The following N4BP2L2 variants were observed in gnomAD, a reference collection of about 807,000 sequenced individuals.
N4BP2L2 encodes NEDD4-binding protein 2-like 2.
A neutral mutation model predicts 56.2 loss-of-function variants in N4BP2L2; 50 were observed. That is an observed-to-expected ratio of 0.89 (90% CI 0.71 to 1.13). N4BP2L2 has a LOEUF of 1.13. Ranked by LOEUF, N4BP2L2 falls within the 50% of genes most tolerant of loss-of-function variation. The pLI is 0.00. For synonymous variants in N4BP2L2, 203 were observed against 223.6 expected, an observed-to-expected ratio of 0.91 and a Z score of 0.82; for missense variants, 689 against 693.8, an observed-to-expected ratio of 0.99 and a Z score of 0.08.
At chr13:32,495,980 G>A (rs376169930) in intron 6 of N4BP2L2, among the ~76,000 whole-genome samples, 52 of 152,148 alleles carry the variant, frequency 3.4e-4, no homozygotes, top group East Asian at 1.5e-3. Context: ...ACCCCACCCC[G>A]CCGGTGCCTT....
chr13:32,454,437 T>A (rs138984757), intron 6 of N4BP2L2, among the ~76,000 whole-genome samples: 21 of 152,172 alleles, frequency 1.4e-4, no homozygotes, highest in African/African-American at 5.1e-4. Context: ...GGGTGAAATA[T>A]GATTACAGAT....
Position 32,527,477 on chromosome 13 carries a change from GA to G in N4BP2L2, c.1314del (p.His439ThrfsTer36). On this transcript the variant is annotated frameshift_variant, in exon 3 of 6. Transcript: ENST00000267068. LOFTEE classifies it high-confidence loss of function. ...TTATACCTGTACCCATCTTGATGGT[GA>G]AAATAGTCATCAGTGCTGAACACAA... The G allele has an allele frequency of 6.2e-7, 1 of 1,613,782 alleles. No homozygotes were observed. The highest frequency in any genetic ancestry group is 1.7e-5 in the Admixed American group (1 of 60,014).
At chr13:32,517,542 C>T in exon 6 of N4BP2L2, 6 of 1,192,528 alleles carry the variant, frequency 5.0e-6, no homozygotes, top group South Asian at 2.6e-5. Flanking sequence ...CATCCTAGCT[C>T]CTACCCACCA....
chr13:32,482,650 G>C (rs970012299), intron 6 of N4BP2L2, among the ~76,000 whole-genome samples: 1 of 152,060 alleles, frequency 6.6e-6, no homozygotes, highest in African/African-American at 2.4e-5. Context: ...ATAGGCATGA[G>C]CCACTGTGCC....
chr13:32,464,314 C>A (rs2080826182), intron 6 of N4BP2L2, among the ~76,000 whole-genome samples: 1 of 152,206 alleles, frequency 6.6e-6, no homozygotes, highest in Non-Finnish European at 1.5e-5. Context: ...GCTGCAGGTT[C>A]TCTTGCCAGC....
chr13:32,516,488 C>A (rs2049238000), exon 6 of N4BP2L2: 1 of 151,902 alleles, frequency 6.6e-6, no homozygotes, highest in Non-Finnish European at 1.5e-5. Context: ...TAGTTTTTGG[C>A]CTGACAACTT....
chr13:32,485,977 G>A (rs189137468), intron 6 of N4BP2L2, among the ~76,000 whole-genome samples: 79 of 152,328 alleles, frequency 5.2e-4, no homozygotes, highest in Admixed American at 1.2e-3. Context: ...GGCTGAGGTG[G>A]AAGTGTTGCT....
chr13:32,506,274 A>T (rs554197412), downstream of N4BP2L2: 5 of 152,240 alleles, frequency 3.3e-5, no homozygotes, highest in African/African-American at 1.2e-4. Context: ...GTCCACCCAT[A>T]TGACTTCATT....
At chr13:32,502,596 TTTAA>T (rs1447239575) in intron 6 of N4BP2L2, among the ~76,000 whole-genome samples, 1 of 152,234 alleles carries the variant, frequency 6.6e-6, no homozygotes, top group Non-Finnish European at 1.5e-5. Context: ...GGCATAATCA[TTTAA>T]TTATGAGGAA....
At chr13:32,537,144 A>T in intron 1 of N4BP2L2, 117 bp from the exon 2 acceptor site, 1 of 728,354 alleles carries the variant, frequency 1.4e-6, no homozygotes, top group Non-Finnish European at 2.0e-6. Flanking sequence ...ATTTAATGGT[A>T]ACAATTTCCC....
At chr13:32,469,365 A>G (rs1006122447) in intron 6 of N4BP2L2, among the ~76,000 whole-genome samples, 2 of 152,190 alleles carry the variant, frequency 1.3e-5, no homozygotes, top group Admixed American at 6.5e-5. Flanking sequence ...TGAAGCACCT[A>G]GAAGTGCACA....
chr13:32,493,133 C>T (rs1190659057), intron 6 of N4BP2L2, among the ~76,000 whole-genome samples: 1 of 151,890 alleles, frequency 6.6e-6, no homozygotes, highest in African/African-American at 2.4e-5. Flanking sequence ...CCATGTTGGC[C>T]AGGCTGCTCT....
exon 6 of N4BP2L2, chr13:32,517,240 C>T (rs2049437590): frequency 1.5e-5 from 15 of 985,944 alleles, no homozygotes; most frequent in Non-Finnish European, 1.8e-5. Flanking sequence ...ACTGATATAC[C>T]TACTATCTAA....
At chr13:32,475,302 A>G (rs898189056) in intron 6 of N4BP2L2, among the ~76,000 whole-genome samples, 6 of 152,358 alleles carry the variant, frequency 3.9e-5, no homozygotes, top group African/African-American at 1.4e-4. Context: ...AATTCAGGAC[A>G]TGGGCACACA....
intron 2 of N4BP2L2, among the ~76,000 whole-genome samples, chr13:32,533,738 C>G (rs2055696425): frequency 2.0e-5 from 3 of 152,020 alleles, no homozygotes; most frequent in Non-Finnish European, 4.4e-5. Context: ...TCATGCCCAG[C>G]CAGTCTTTTA....
intron 6 of N4BP2L2, among the ~76,000 whole-genome samples, chr13:32,479,439 G>GA (rs1555257594): frequency 3.2e-4 from 48 of 148,632 alleles, no homozygotes; most frequent in Non-Finnish European, 5.5e-4. Flanking sequence ...AGCTAATCTT[G>GA]TTTTTTTTTG....
exon 6 of N4BP2L2, chr13:32,516,116 G>C (rs1001010362): frequency 1.3e-5 from 2 of 152,156 alleles, no homozygotes; most frequent in East Asian, 3.8e-4. Flanking sequence ...GTCTACCTAA[G>C]AGTTGTTTCA....
intron 6 of N4BP2L2, among the ~76,000 whole-genome samples, chr13:32,489,341 A>G (rs935904859): frequency 6.6e-6 from 1 of 152,220 alleles, no homozygotes; most frequent in Non-Finnish European, 1.5e-5. Flanking sequence ...AAAGTTAACT[A>G]TTGCCAGTAA....
intron 3 of N4BP2L2, chr13:32,524,139 C>A (rs1304410977): frequency 6.6e-6 from 1 of 152,136 alleles, no homozygotes; most frequent in Non-Finnish European, 1.5e-5. Context: ...TCTCTAAATA[C>A]CAAAAGAAAT....
Sources: allele counts gnomAD v4.1 joint callset (sites outside exome capture counted in the v4.1 genomes callset), GRCh38; gene constraint gnomAD v4.1.1; transcripts MANE v1.5; gene names NCBI Gene and HGNC (gene_info 2026-07-23, HGNC 2026-07-21).